CHST3: variants seen among roughly 807,000 people sequenced by gnomAD.
CHST3 encodes carbohydrate sulfotransferase 3.
Under a neutral mutation model 35.4 loss-of-function variants are expected in CHST3, and 20 were observed. The ratio of observed to expected loss-of-function variants is 0.57; its 90% CI spans 0.40 to 0.82. The LOEUF is 0.82. Among genes scored for constraint, CHST3 ranks in the 40% least tolerant of loss-of-function variants. The pLI is 0.00. For synonymous variants in CHST3, 334 were observed against 295.9 expected (o/e 1.13, Z -1.32); for missense variants, 693 against 670.1 (o/e 1.03, Z -0.38).
In CHST3 at chr10:71,969,316, C is replaced by T. The variant is rs75068729; in HGVS notation, c.-108+4622C>T. On this transcript the variant is annotated intron_variant, in intron 1 of 2. Transcript: ENST00000373115. ...GAGGTGCAGTGGATGCCCAAGGTCA[C>T]GAAGCCAGGCATCTGCAAAGGCCTG... is the stretch of plus-strand genomic sequence containing the variant. Among the ~76,000 whole-genome samples the T allele has an allele frequency of 8.6e-3, 1,312 of 152,316 alleles. 24 individuals carry two copies. The highest frequency in any genetic ancestry group is 0.029 in the African/African-American group (1,211 of 41,566).
intron 1 of CHST3, among the ~76,000 whole-genome samples, chr10:71,983,893 A>C (rs1296686915): frequency 6.6e-6 from 1 of 152,246 alleles, no homozygotes; most frequent in Non-Finnish European, 1.5e-5. Context: ...TACCCTCTCC[A>C]TAGCTCGTGC....
At chr10:71,991,545 G>A (rs1839896767) in intron 1 of CHST3, among the ~76,000 whole-genome samples, 1 of 152,120 alleles carries the variant, frequency 6.6e-6, no homozygotes, top group Non-Finnish European at 1.5e-5. Context: ...TACCTCAGAG[G>A]TATTGCAGGT....
At chr10:72,004,001 C>T (rs996419175) in intron 1 of CHST3, among the ~76,000 whole-genome samples, 2 of 152,066 alleles carry the variant, frequency 1.3e-5, no homozygotes, top group Non-Finnish European at 2.9e-5. Context: ...CATAGTGAAA[C>T]CCCGTCTCTA....
chr10:71,969,592 G>C (rs1177466310), intron 1 of CHST3, among the ~76,000 whole-genome samples: 1 of 152,230 alleles, frequency 6.6e-6, no homozygotes, highest in Non-Finnish European at 1.5e-5. Flanking sequence ...TGAGTTCTTA[G>C]AGCCTTCCTA....
At chr10:72,004,888 G>C (rs1840023595) in intron 1 of CHST3, among the ~76,000 whole-genome samples, 1 of 152,200 alleles carries the variant, frequency 6.6e-6, no homozygotes, top group Admixed American at 6.5e-5. Context: ...CCAGCACTTT[G>C]GGAGGCCGAG....
chr10:72,001,354 G>T (rs751451), intron 1 of CHST3, among the ~76,000 whole-genome samples: 32,855 of 152,186 alleles, frequency 0.22, 5,068 homozygotes, highest in African/African-American at 0.44. Context: ...CATACTTCCT[G>T]TTGGCCCTGG....
Position 72,008,377 on chromosome 10 carries a change from G to T in CHST3, c.1346G>T (p.Arg449Leu), listed in dbSNP as rs1260275648. 2.6e-6 allele frequency: 4 copies of T among 1,567,776 alleles called. No homozygotes were observed. The highest frequency in any genetic ancestry group is 3.4e-4 in the Middle Eastern group (2 of 5,932). ...CAGGCCGCCTGCGGCCCTGCCATGCGCCTCTTCGGCTACAAACTGGCGCGG... is the reference window on the plus strand; with the variant it reads ...CAGGCCGCCTGCGGCCCTGCCATGCTCCTCTTCGGCTACAAACTGGCGCGG... ...VVQAACGPAMRLFGYKLARDA... is the reference protein window; with the variant it reads ...VVQAACGPAMLLFGYKLARDA... The change falls in exon 3 of 3, where the codon CGC (arginine) becomes CTC (leucine). Residue 449 changes from arginine (R) to leucine (L), a missense_variant. Transcript: ENST00000373115.
At chr10:71,969,571 G>T (rs1435420450) in intron 1 of CHST3, among the ~76,000 whole-genome samples, 1 of 152,214 alleles carries the variant, frequency 6.6e-6, no homozygotes, top group Non-Finnish European at 1.5e-5. Context: ...TCCACAGGAA[G>T]CCCACCTGGG....
chr10:71,992,763 C>G (rs1397131534), intron 1 of CHST3, among the ~76,000 whole-genome samples: 3 of 150,642 alleles, frequency 2.0e-5, no homozygotes, highest in African/African-American at 7.4e-5. Flanking sequence ...CAGATTCAAG[C>G]AATTCTACTG....
chr10:72,008,665 T>A lies in CHST3; in HGVS notation c.*194T>A. On this transcript the variant is annotated 3_prime_UTR_variant, in exon 3 of 3. Transcript: ENST00000373115. ...GAGAACAGGACAGTGCCCGGTCCCC[T>A]TGAGGGCCATCACACCCAGACCCAA... 1 of 1,202,496 alleles carries A rather than the reference T, an allele frequency of 8.3e-7. No individual in the cohort carries two copies. Among genetic ancestry groups the A allele is most frequent in the Non-Finnish European group, 1.1e-6 (1 of 900,412 alleles). The allele number at this position is 1,202,496 out of a possible 1,614,324, so 74.5% of individuals were successfully genotyped here.
At chr10:71,999,934 C>G (rs1049815057) in intron 1 of CHST3, among the ~76,000 whole-genome samples, 2 of 152,210 alleles carry the variant, frequency 1.3e-5, no homozygotes, top group Non-Finnish European at 2.9e-5. Flanking sequence ...CTGTTTTCTG[C>G]CCTCCCCCTT....
intron 1 of CHST3, among the ~76,000 whole-genome samples, chr10:72,003,225 C>T (rs1473339644): frequency 6.6e-6 from 1 of 152,164 alleles, no homozygotes; most frequent in Admixed American, 6.5e-5. Context: ...ATTGGTTGGC[C>T]CTCCCAACCA....
chr10:72,004,672 A>G (rs1262580893), intron 1 of CHST3, among the ~76,000 whole-genome samples: 1 of 152,174 alleles, frequency 6.6e-6, no homozygotes, highest in African/African-American at 2.4e-5. Flanking sequence ...GTTTTCCTGC[A>G]GCCAGAGTCC....
chr10:71,980,808 G>C (rs984517118), intron 1 of CHST3, among the ~76,000 whole-genome samples: 1 of 152,184 alleles, frequency 6.6e-6, no homozygotes, highest in Non-Finnish European at 1.5e-5. Context: ...GCTAACATCC[G>C]AACGGTGGAT....
At chr10:71,972,552 G>A (rs149423768) in intron 1 of CHST3, among the ~76,000 whole-genome samples, 2 of 152,130 alleles carry the variant, frequency 1.3e-5, no homozygotes, top group African/African-American at 4.8e-5. Flanking sequence ...TCACAGGAAG[G>A]GTGCAGATGG....
At chr10:71,973,736 G>A (rs1027306364) in intron 1 of CHST3, among the ~76,000 whole-genome samples, 2 of 152,240 alleles carry the variant, frequency 1.3e-5, no homozygotes, top group Admixed American at 6.5e-5. Context: ...CCACTGTGAT[G>A]AGCCCACAGA....
At chr10:71,984,745 A>G (rs1839831850) in intron 1 of CHST3, among the ~76,000 whole-genome samples, 1 of 152,214 alleles carries the variant, frequency 6.6e-6, no homozygotes, top group African/African-American at 2.4e-5. Context: ...CCAAAGATTA[A>G]GTACATTTAT....
chr10:72,012,168 G>A lies in CHST3; in HGVS notation c.*3697G>A, dbSNP rs547957018. 37 of 152,172 alleles carry A rather than the reference G, an allele frequency of 2.4e-4. No homozygotes were observed. Among genetic ancestry groups the A allele is most frequent in the African/African-American group, 8.4e-4 (35 of 41,428 alleles). The allele number at this position is 152,172 out of a possible 1,614,324, so 9.4% of individuals were successfully genotyped here. A position where few individuals can be genotyped will look rare whatever the true frequency, so the allele number is the denominator to read the frequency against. On this transcript the variant is annotated 3_prime_UTR_variant, in exon 3 of 3. Transcript: ENST00000373115. Reference sequence around the variant, plus strand: ...GGGCAGCTGCTGACCAAACCCCACAGAACAGAGGGCACCAGGCATCACACG... The same window carrying A: ...GGGCAGCTGCTGACCAAACCCCACAAAACAGAGGGCACCAGGCATCACACG...
intron 1 of CHST3, among the ~76,000 whole-genome samples, chr10:71,982,808 C>A (rs1839813528): frequency 6.6e-6 from 1 of 152,172 alleles, no homozygotes; most frequent in Non-Finnish European, 1.5e-5. Context: ...CAATGTGTTA[C>A]AACAGCAGTA....
Sources: gnomAD v4.1 joint callset for allele counts (sites outside exome capture counted in the v4.1 genomes callset) on GRCh38, gnomAD v4.1.1 for gene constraint, MANE v1.5 for transcripts, NCBI Gene and HGNC (gene_info 2026-07-23, HGNC 2026-07-21) for gene names.